MICAL1: variants seen among roughly 807,000 people sequenced by gnomAD.
MICAL1 encodes the protein microtubule associated monooxygenase, calponin and LIM domain containing 1.
Under a neutral mutation model 131.8 loss-of-function variants are expected in MICAL1, and 95 were observed. The ratio of observed to expected loss-of-function variants is 0.72; its 90% CI spans 0.61 to 0.86. MICAL1 has a LOEUF of 0.86. Ranked by LOEUF, MICAL1 falls within the 40% of genes least tolerant of loss-of-function variation. MICAL1 has a pLI of 0.00. For synonymous variants in MICAL1, 546 were observed against 554.2 expected, an observed-to-expected ratio of 0.99 and a Z score of 0.21; for missense variants, 1,292 against 1,380.6, an observed-to-expected ratio of 0.94 and a Z score of 1.02.
At chr6:109,456,057 C>G, upstream of MICAL1, 1 of 983,180 alleles carries the variant, frequency 1.0e-6, no homozygotes, top group Non-Finnish European at 1.2e-6. Flanking sequence ...TCTGGGGCCT[C>G]TGGGTGGGTC....
At position 109,453,660 on chromosome 6, in the gene MICAL1, G is replaced by A. The variant is rs139510070; in HGVS notation, c.444C>T (p.Cys148=). ...CACTGATGTGGTCCAGGGTGCCGGT[G>A]CAGAAGCGCCCGTAGAACTTCTTAG... ...LGAKKFYGRF[C]TGTLDHISIR... The change falls in exon 3 of 25, where the codon TGC becomes TGT. Residue 148 remains cysteine, a synonymous_variant. Transcript: ENST00000358807. 1.2e-5 allele frequency: 19 copies of A among 1,610,034 alleles called. No homozygotes were observed. The African/African-American group carries it at 2.1e-4, about 18-fold the overall frequency.
intron 1 of MICAL1, among the ~76,000 whole-genome samples, chr6:109,461,974 A>T (rs1049058390): frequency 1.3e-5 from 2 of 152,174 alleles, no homozygotes. Flanking sequence ...GATTAAGATG[A>T]GACATGCTTC....
Position 109,453,318 on chromosome 6 carries a change from C to A in MICAL1, c.516G>T (p.Gly172=). The change falls in exon 4 of 25, where the codon GGG becomes GGT. Residue 172 remains glycine, a synonymous_variant. Transcript: ENST00000358807. ...AAGTGACACCCCAGTGAATTTCCACCCCCAGCAGCAATGCTACCTTCAGCA... is the reference window on the plus strand; with the variant it reads ...AAGTGACACCCCAGTGAATTTCCACACCCAGCAGCAATGCTACCTTCAGCA... ...LLLLKVALLL[G]VEIHWGVTFT... The A allele has an allele frequency of 1.4e-5, 23 of 1,614,102 alleles. No individual in the cohort carries two copies. The highest frequency in any genetic ancestry group is 1.8e-5 in the Non-Finnish European group (21 of 1,179,996).
In MICAL1 at chr6:109,451,593, G is replaced by C; in HGVS notation, c.933+7C>G. 2 of 1,613,528 alleles carry C rather than the reference G, an allele frequency of 1.2e-6. No homozygotes were observed. The highest frequency in any genetic ancestry group is 1.7e-6 in the Non-Finnish European group (2 of 1,179,896). On this transcript the variant is annotated splice_region_variant and intron_variant, in intron 7 of 24. Coordinates refer to ENST00000358807, the MANE Select transcript of MICAL1 (RefSeq NM_022765.4). ...CCCAGCCTCTCCTGGCCAGGACTGG[G>C]CCTCACCTGGCGCAGCACCCCCAGC...
chr6:109,460,549 C>CACACACACAT (rs1166166353), upstream of MICAL1, among the ~76,000 whole-genome samples: 1 of 151,326 alleles, frequency 6.6e-6, no homozygotes, highest in African/African-American at 2.4e-5. Context: ...CACACACACA[C>CACACACACAT]ACTCCAGTAA....
chr6:109,450,954 G>A (rs1219344989), intron 7 of MICAL1, among the ~76,000 whole-genome samples: 1 of 152,104 alleles, frequency 6.6e-6, no homozygotes. Flanking sequence ...CACTCAACTA[G>A]TTCATTCATT....
Position 109,450,453 on chromosome 6 carries a change from GAGCTTGCCATGGGTGGCAAAGTC to G in MICAL1, c.1015_1037del (p.Asp339ArgfsTer14). ...CATCCTGGGCAAACTCTAGTTTCCC[GAGCTTGCCATGGGTGGCAAAGTC>G]AGCAGCTGCCCGGGTAAAGCGCTGC... is the stretch of plus-strand genomic sequence containing the variant. On this transcript the variant is annotated frameshift_variant, in exon 8 of 25. Transcript: ENST00000358807. LOFTEE classifies it high-confidence loss of function. 1.2e-6 allele frequency: 2 copies of G among 1,613,540 alleles called. No homozygotes were observed. The highest frequency in any genetic ancestry group is 1.7e-6 in the Non-Finnish European group (2 of 1,180,012).
In MICAL1 at chr6:109,447,669, G is replaced by C; in HGVS notation, c.1986+12C>G. ...TGGGGTAGGAGACCGACCCGCCCCTGCCTGCATTCACCTCCAAGCGCAGCT... is the reference window on the plus strand; with the variant it reads ...TGGGGTAGGAGACCGACCCGCCCCTCCCTGCATTCACCTCCAAGCGCAGCT... On this transcript the variant is annotated intron_variant, in intron 15 of 24. Coordinates refer to ENST00000358807, the MANE Select transcript of MICAL1 (RefSeq NM_022765.4). The C allele has an allele frequency of 6.2e-7, 1 of 1,613,954 alleles. No homozygotes were observed. The highest frequency in any genetic ancestry group is 2.2e-5 in the East Asian group (1 of 44,870).
In MICAL1 at chr6:109,448,746, C is replaced by T; in HGVS notation, c.1650G>A (p.Leu550=). 3.1e-6 allele frequency: 5 copies of T among 1,614,074 alleles called. No homozygotes were observed. Among genetic ancestry groups the T allele is most frequent in the African/African-American group, 1.3e-5 (1 of 75,046 alleles). The change falls in exon 12 of 25, where the codon CTG becomes CTA. Residue 550 remains leucine, a synonymous_variant. Transcript: ENST00000358807. The stretch of plus-strand genomic sequence containing the variant: ...CAGGGACTCACAGCAGGCCAGGCTG[C>T]AGCCGGTACACCAGGGCACACAGAG... ...GLALCALVYR[L]QPGLLEPSEL...
chr6:109,444,629 G>T, intron 24 of MICAL1, 96 bp downstream of exon 24: 3 of 1,429,874 alleles, frequency 2.1e-6, no homozygotes, highest in Non-Finnish European at 3.0e-6. Context: ...GAGGTACACA[G>T]ACTAGAGCAT....
In MICAL1 at chr6:109,451,880, G is replaced by A. The variant is rs543932044; in HGVS notation, c.833-180C>T. ...ACAACCATCTGTCCCAGGCCCAGGA[G>A]GCCTGAGGACTTAGAGCAAAGAGGG... On this transcript the variant is annotated intron_variant, in intron 6 of 24. Coordinates refer to ENST00000358807, the MANE Select transcript of MICAL1 (RefSeq NM_022765.4). The A allele has an allele frequency of 3.6e-6, 5 of 1,405,530 alleles. No individual in the cohort carries two copies. In the East Asian group the frequency reaches 1.3e-4, roughly 37 times the overall value. 87.1% of individuals were successfully genotyped at this position (1,405,530 alleles called of 1,614,324 possible). A position where few individuals can be genotyped will look rare whatever the true frequency, so the allele number is the denominator to read the frequency against.
Position 109,448,713 on chromosome 6 carries a change from G to A in MICAL1, c.1664+19C>T, listed in dbSNP as rs1775364688. 10 of 1,613,204 alleles carry A rather than the reference G, an allele frequency of 6.2e-6. No individual in the cohort carries two copies. The highest frequency in any genetic ancestry group is 8.5e-6 in the Non-Finnish European group (10 of 1,179,368). ...TACACTGAGATCATGAGAGAGAGGTGGGTCTGCCAGGGACTCACAGCAGGC... is the reference window on the plus strand; with the variant it reads ...TACACTGAGATCATGAGAGAGAGGTAGGTCTGCCAGGGACTCACAGCAGGC... On this transcript the variant is annotated intron_variant, in intron 12 of 24. Coordinates refer to ENST00000358807, the MANE Select transcript of MICAL1 (RefSeq NM_022765.4).
rs774083783 is a variant in MICAL1, at chr6:109,450,429, A to G, written c.1062T>C (p.Asp354=). The part of the protein sequence containing the change: ...GKLGKLEFAQ[D]AHGQPDVSAF... ...CAGAGACATCAGGCTGCCCATGGGC[A>G]TCCTGGGCAAACTCTAGTTTCCCGA... The change falls in exon 8 of 25, where the codon GAT becomes GAC. Residue 354 remains aspartate, a synonymous_variant. Transcript: ENST00000358807. 4 of 1,613,604 alleles carry G rather than the reference A, an allele frequency of 2.5e-6. No individual in the cohort carries two copies. The East Asian group carries it at 8.9e-5, about 36-fold the overall frequency.
At chr6:109,445,713 C>T in intron 20 of MICAL1, 58 bp downstream of exon 20, 1 of 1,569,084 alleles carries the variant, frequency 6.4e-7, no homozygotes, top group Non-Finnish European at 8.7e-7. Context: ...TGGACCAGTG[C>T]AGGTTTCTCC....
intron 1 of MICAL1, chr6:109,463,586 TTTGTC>T (rs1191268130): frequency 6.6e-6 from 1 of 152,202 alleles, no homozygotes; most frequent in South Asian, 2.1e-4. Context: ...GAAAAAAACT[TTTGTC>T]TTAGCTACTT....
upstream of MICAL1, chr6:109,456,136 G>GCCGA: frequency 3.4e-6 from 2 of 591,974 alleles, no homozygotes; most frequent in Non-Finnish European, 4.3e-6. Context: ...CCTCGGCCTG[G>GCCGA]GCTCCTTGCC....
At chr6:109,444,586 C>T (rs1248458490) in intron 24 of MICAL1, 139 bp downstream of exon 24, 2 of 1,111,456 alleles carry the variant, frequency 1.8e-6, no homozygotes, top group African/African-American at 1.5e-5. Context: ...GGCTTTGGAG[C>T]CCCCTCCTCT....
At chr6:109,458,944 G>C (rs1775826815), upstream of MICAL1, among the ~76,000 whole-genome samples, 1 of 152,166 alleles carries the variant, frequency 6.6e-6, no homozygotes, top group African/African-American at 2.4e-5. Flanking sequence ...TGCCATGAGA[G>C]GATGTGACAA....
In MICAL1 at chr6:109,444,731, G is replaced by A. The variant is rs747238004; in HGVS notation, c.3049C>T (p.Arg1017Trp). 18 of 1,613,914 alleles carry A rather than the reference G, an allele frequency of 1.1e-5. No individual in the cohort carries two copies. Among genetic ancestry groups the A allele is most frequent in the Admixed American group, 6.7e-5 (4 of 59,996 alleles). Residue 1017 changes from arginine to tryptophan, a missense_variant, in exon 24 of 25, where the codon CGG becomes TGG. Coordinates refer to ENST00000358807, the MANE Select transcript of MICAL1 (RefSeq NM_022765.4). ...LDQELRGYMN[R>W]EENLKTAADR... Reference sequence around the variant, plus strand: ...CTCCCCACATTTCACCTACCTTCCCGGTTCATGTAGCCTCGTAGCTCCTGG... The same window carrying A: ...CTCCCCACATTTCACCTACCTTCCCAGTTCATGTAGCCTCGTAGCTCCTGG...
Sources: allele counts gnomAD v4.1 joint callset (sites outside exome capture counted in the v4.1 genomes callset), GRCh38; gene constraint gnomAD v4.1.1; transcripts MANE v1.5; gene names NCBI Gene and HGNC (gene_info 2026-07-23, HGNC 2026-07-21).